Variants in PTPRD observed in about 807,000 individuals in gnomAD.
PTPRD encodes receptor-type tyrosine-protein phosphatase delta.
Under a neutral mutation model 214.5 loss-of-function variants are expected in PTPRD, and 34 were observed. The ratio of observed to expected loss-of-function variants is 0.16; its 90% CI spans 0.12 to 0.21. PTPRD has a LOEUF of 0.21. Among genes scored for constraint, PTPRD ranks in the 10% least tolerant of loss-of-function variants. PTPRD has a pLI of 1.00. For synonymous variants in PTPRD, 1,128 were observed against 845.7 expected, an observed-to-expected ratio of 1.33 and a Z score of -5.79; for missense variants, 2,545 against 2,398.7, an observed-to-expected ratio of 1.06 and a Z score of -1.27.
chr9:10,484,680 T>A (rs1479235311), intron 2 of PTPRD, among the ~76,000 whole-genome samples: 2 of 152,110 alleles, frequency 1.3e-5, no homozygotes, highest in Non-Finnish European at 2.9e-5. Context: ...TTGAGAAATA[T>A]CTATTTAGAT....
chr9:9,138,412 C>A (rs1413799782), intron 10 of PTPRD, among the ~76,000 whole-genome samples: 1 of 152,108 alleles, frequency 6.6e-6, no homozygotes, highest in Non-Finnish European at 1.5e-5. Flanking sequence ...ACTATTTGCA[C>A]TTAAAAGTCA....
chr9:9,725,892 T>C (rs1235246623), intron 7 of PTPRD, among the ~76,000 whole-genome samples: 1 of 152,142 alleles, frequency 6.6e-6, no homozygotes, highest in Non-Finnish European at 1.5e-5. Flanking sequence ...TTTCATTCTC[T>C]CTCTGTCTTT....
chr9:8,593,142 G>A (rs932496312), intron 14 of PTPRD, among the ~76,000 whole-genome samples: 1 of 152,294 alleles, frequency 6.6e-6, no homozygotes, highest in Non-Finnish European at 1.5e-5. Flanking sequence ...ATTCTCAGAA[G>A]TGTTAGGAAA....
intron 7 of PTPRD, among the ~76,000 whole-genome samples, chr9:9,649,477 G>T (rs2096278618): frequency 6.6e-6 from 1 of 152,092 alleles, no homozygotes; most frequent in Non-Finnish European, 1.5e-5. Context: ...TTAACTGCAT[G>T]ATCTTAAAAT....
At chr9:9,467,001 A>G (rs1325075720) in intron 8 of PTPRD, among the ~76,000 whole-genome samples, 1 of 152,080 alleles carries the variant, frequency 6.6e-6, no homozygotes, top group African/African-American at 2.4e-5. Context: ...AAACTTTCCT[A>G]AGTCTTTCCA....
intron 37 of PTPRD, among the ~76,000 whole-genome samples, chr9:8,387,885 G>T (rs1045440371): frequency 6.6e-6 from 1 of 152,158 alleles, no homozygotes; most frequent in Non-Finnish European, 1.5e-5. Context: ...TGTTTTTAAA[G>T]AAACTGCTTG....
chr9:9,406,802 A>G (rs1032471105), intron 8 of PTPRD, among the ~76,000 whole-genome samples: 1 of 151,226 alleles, frequency 6.6e-6, no homozygotes, highest in Non-Finnish European at 1.5e-5. Context: ...TGTTTAAGGA[A>G]CAGTAGGCTT....
intron 30 of PTPRD, among the ~76,000 whole-genome samples, chr9:8,477,473 G>A (rs1203629836): frequency 1.3e-5 from 2 of 152,156 alleles, no homozygotes; most frequent in East Asian, 3.8e-4. Flanking sequence ...GAGAAGGCAA[G>A]CTCTGGTTTT....
intron 12 of PTPRD, among the ~76,000 whole-genome samples, chr9:8,678,056 C>T (rs2097468405): frequency 6.6e-6 from 1 of 152,030 alleles, no homozygotes; most frequent in Non-Finnish European, 1.5e-5. Context: ...GGAATCCCGG[C>T]AGTGAAGTGT....
intron 10 of PTPRD, among the ~76,000 whole-genome samples, chr9:9,056,134 C>A (rs1244654262): frequency 6.6e-6 from 1 of 152,074 alleles, no homozygotes; most frequent in Non-Finnish European, 1.5e-5. Flanking sequence ...GACTTCTAGA[C>A]CTCAGTATTT....
chr9:9,812,677 A>G (rs2047510124), intron 5 of PTPRD, among the ~76,000 whole-genome samples: 1 of 152,202 alleles, frequency 6.6e-6, no homozygotes, highest in African/African-American at 2.4e-5. Flanking sequence ...GAAAATATAA[A>G]CAGGACTGAA....
At chr9:9,145,468 A>T (rs948177876) in intron 10 of PTPRD, among the ~76,000 whole-genome samples, 5 of 150,376 alleles carry the variant, frequency 3.3e-5, no homozygotes, top group Non-Finnish European at 5.9e-5. Flanking sequence ...TTCTTTTTTT[A>T]TTAGTCAAGA....
chr9:8,417,741 G>A (rs2094048019), intron 35 of PTPRD, among the ~76,000 whole-genome samples: 1 of 152,108 alleles, frequency 6.6e-6, no homozygotes, highest in Non-Finnish European at 1.5e-5. Flanking sequence ...TAGGCTGCCA[G>A]TGAAAGAGGC....
intron 11 of PTPRD, among the ~76,000 whole-genome samples, chr9:8,913,862 T>C (rs2098765807): frequency 6.6e-6 from 1 of 152,164 alleles, no homozygotes; most frequent in Non-Finnish European, 1.5e-5. Context: ...TTGGATTAAA[T>C]CCTGGACCAT....
chr9:9,279,342 TTATATA>T (rs113014721), intron 9 of PTPRD, among the ~76,000 whole-genome samples: 1 of 145,160 alleles, frequency 6.9e-6, no homozygotes, highest in South Asian at 2.1e-4. Context: ...ATACCTAAAT[TTATATA>T]TATATATATA....
At chr9:9,068,565 CA>C (rs1418948308) in intron 10 of PTPRD, among the ~76,000 whole-genome samples, 1 of 151,930 alleles carries the variant, frequency 6.6e-6, no homozygotes, top group Non-Finnish European at 1.5e-5. Context: ...GCTAGGACAC[CA>C]CATTAAAGTC....
intron 39 of PTPRD, among the ~76,000 whole-genome samples, chr9:8,358,925 G>A (rs2077640472): frequency 6.6e-6 from 1 of 150,888 alleles, no homozygotes; most frequent in Admixed American, 6.6e-5. Context: ...GGCTAACACG[G>A]TGAAACCCCG....
intron 18 of PTPRD, 82 bp from the exon 19 acceptor site, chr9:8,523,606 A>T: frequency 6.6e-7 from 1 of 1,504,748 alleles, no homozygotes. Flanking sequence ...GAGAGTAAAA[A>T]GGCCATATCA....
intron 11 of PTPRD, among the ~76,000 whole-genome samples, chr9:8,907,533 A>AAAATATAT (rs3046919): frequency 5.1e-5 from 6 of 118,230 alleles, no homozygotes; most frequent in African/African-American, 2.0e-4. Flanking sequence ...AAAAAAAAAA[A>AAAATATAT]ATATATATAT....
Sources: gnomAD v4.1 joint callset for allele counts (sites outside exome capture counted in the v4.1 genomes callset) on GRCh38, gnomAD v4.1.1 for gene constraint, MANE v1.5 for transcripts, NCBI Gene and HGNC (gene_info 2026-07-23, HGNC 2026-07-21) for gene names.